SLC35F4: variants seen among roughly 807,000 people sequenced by gnomAD.
SLC35F4 encodes the protein chromosome 14 open reading frame 36.
In SLC35F4, 24 loss-of-function variants were observed where a neutral mutation model predicts 44.2. The observed-to-expected ratio is 0.54, with a 90% CI of 0.39 to 0.76. The LOEUF (loss-of-function observed/expected upper bound fraction) is 0.76. Ranked by LOEUF, SLC35F4 falls within the 30% of genes least tolerant of loss-of-function variation. The probability of loss-of-function intolerance (pLI) is 0.00; values close to 1 mark genes in which losing one functional copy is unlikely to be tolerated. For synonymous variants in SLC35F4, 238 were observed against 223.6 expected (o/e 1.06, Z -0.57); for missense variants, 562 against 586.1 (o/e 0.96, Z 0.42).
chr14:57,755,263 G>A (rs1427925811), intron 1 of SLC35F4, among the ~76,000 whole-genome samples: 1 of 152,162 alleles, frequency 6.6e-6, no homozygotes, highest in Non-Finnish European at 1.5e-5. Context: ...CCTGACGAAG[G>A]GGCTTCAGCC....
At chr14:57,734,876 T>C (rs142424432) in intron 1 of SLC35F4, among the ~76,000 whole-genome samples, 30 of 152,320 alleles carry the variant, frequency 2.0e-4, no homozygotes, top group African/African-American at 3.4e-4. Flanking sequence ...CAGTATAAAA[T>C]AAGTCCCCAT....
chr14:57,599,939 A>G (rs1426570531), intron 1 of SLC35F4, among the ~76,000 whole-genome samples: 2 of 152,140 alleles, frequency 1.3e-5, no homozygotes, highest in Non-Finnish European at 2.9e-5. Context: ...GATATCCCAC[A>G]GGAACTCCCC....
intron 1 of SLC35F4, among the ~76,000 whole-genome samples, chr14:57,955,746 C>A (rs1050119174): frequency 6.6e-6 from 1 of 152,094 alleles, no homozygotes; most frequent in Non-Finnish European, 1.5e-5. Flanking sequence ...ATGTGAAGGA[C>A]CTCTTCAAGA....
chr14:57,633,564 A>C (rs570119574), intron 1 of SLC35F4, among the ~76,000 whole-genome samples: 92 of 152,230 alleles, frequency 6.0e-4, no homozygotes, highest in African/African-American at 2.0e-3. Context: ...ACTTGTACAG[A>C]GACTTCCCAT....
At chr14:57,592,942 A>G (rs1185218736) in intron 2 of SLC35F4, among the ~76,000 whole-genome samples, 1 of 152,114 alleles carries the variant, frequency 6.6e-6, no homozygotes, top group East Asian at 1.9e-4. Context: ...AGATTTTAGT[A>G]TGTTGCCAGC....
chr14:57,974,569 A>G (rs1881155786), downstream of SLC35F4, among the ~76,000 whole-genome samples: 1 of 152,194 alleles, frequency 6.6e-6, no homozygotes, highest in South Asian at 2.1e-4. Flanking sequence ...AAGATAAATG[A>G]GAAGTAAGAC....
At chr14:57,643,453 T>A (rs1168597312) in intron 1 of SLC35F4, among the ~76,000 whole-genome samples, 2 of 152,120 alleles carry the variant, frequency 1.3e-5, no homozygotes, top group East Asian at 3.9e-4. Context: ...ACTTACTATC[T>A]GTCAGTAGCT....
intron 1 of SLC35F4, among the ~76,000 whole-genome samples, chr14:57,815,392 T>A (rs56374541): frequency 0.028 from 4,317 of 152,196 alleles, 118 homozygotes; most frequent in African/African-American, 0.075. Flanking sequence ...AAGATATGGG[T>A]CTTCCCCTTG....
chr14:57,925,591 T>C (rs563883213), intron 1 of SLC35F4, among the ~76,000 whole-genome samples: 11 of 142,156 alleles, frequency 7.7e-5, no homozygotes, highest in African/African-American at 2.1e-4. Flanking sequence ...CTGGAGTAAA[T>C]AGAATAGAGA....
chr14:57,638,470 T>C (rs527823341), intron 1 of SLC35F4, among the ~76,000 whole-genome samples: 19 of 152,268 alleles, frequency 1.2e-4, no homozygotes, highest in African/African-American at 4.6e-4. Flanking sequence ...TCTTGTAAGC[T>C]GTTGAATACA....
intron 1 of SLC35F4, among the ~76,000 whole-genome samples, chr14:57,783,420 A>G (rs908956320): frequency 5.3e-5 from 8 of 152,130 alleles, no homozygotes; most frequent in Admixed American, 2.0e-4. Context: ...GCCACAAAGG[A>G]CATTTATTAG....
chr14:57,817,759 G>A (rs1461103750), intron 1 of SLC35F4, among the ~76,000 whole-genome samples: 4 of 152,120 alleles, frequency 2.6e-5, no homozygotes, highest in East Asian at 1.9e-4. Context: ...AGAATGACCC[G>A]TTAAAAATTG....
chr14:57,944,419 C>A (rs1403211238), intron 1 of SLC35F4, among the ~76,000 whole-genome samples: 1 of 152,124 alleles, frequency 6.6e-6, no homozygotes, highest in African/African-American at 2.4e-5. Flanking sequence ...TTACAGAGTT[C>A]TTGTTTCCTA....
chr14:57,966,861 T>C (rs1194527025), intron 1 of SLC35F4, among the ~76,000 whole-genome samples: 1 of 151,832 alleles, frequency 6.6e-6, no homozygotes, highest in Non-Finnish European at 1.5e-5. Flanking sequence ...AATACAAAAA[T>C]CAGCCGGGCA....
At chr14:57,600,467 C>T (rs1041131683) in intron 1 of SLC35F4, among the ~76,000 whole-genome samples, 22 of 150,678 alleles carry the variant, frequency 1.5e-4, no homozygotes, top group African/African-American at 5.4e-4. Flanking sequence ...CCAAGGTGGG[C>T]GGATCACGAG....
At chr14:57,939,778 A>G (rs1889882686) in intron 1 of SLC35F4, among the ~76,000 whole-genome samples, 1 of 152,198 alleles carries the variant, frequency 6.6e-6, no homozygotes, top group Non-Finnish European at 1.5e-5. Context: ...CAAAATAAAG[A>G]TATTACATTT....
intron 1 of SLC35F4, among the ~76,000 whole-genome samples, chr14:57,845,983 G>A (rs971125869): frequency 6.6e-6 from 1 of 152,136 alleles, no homozygotes; most frequent in Non-Finnish European, 1.5e-5. Flanking sequence ...TGAGTAATAA[G>A]GCCATTGAAG....
chr14:57,665,317 A>T (rs1237540066), intron 1 of SLC35F4, among the ~76,000 whole-genome samples: 2 of 152,158 alleles, frequency 1.3e-5, no homozygotes, highest in Non-Finnish European at 2.9e-5. Context: ...ATTTTAAATA[A>T]CAATAATAAT....
chr14:57,601,039 G>A (rs145577329), intron 1 of SLC35F4, among the ~76,000 whole-genome samples: 6 of 152,072 alleles, frequency 3.9e-5, no homozygotes, highest in East Asian at 3.9e-4. Flanking sequence ...CAATTCCATC[G>A]TACTTACCAG....
Sources: gnomAD v4.1 joint callset for allele counts (sites outside exome capture counted in the v4.1 genomes callset) on GRCh38, gnomAD v4.1.1 for gene constraint, MANE v1.5 for transcripts, NCBI Gene and HGNC (gene_info 2026-07-23, HGNC 2026-07-21) for gene names.